GATAD2A: variants seen among roughly 807,000 people sequenced by gnomAD.
GATAD2A encodes GATA zinc finger domain containing 2A, also known as transcriptional repressor p66-alpha.
In GATAD2A, 12 loss-of-function variants were observed where a neutral mutation model predicts 68.5. The ratio of observed to expected loss-of-function variants is 0.18; its 90% confidence interval spans 0.11 to 0.28. The LOEUF (loss-of-function observed/expected upper bound fraction) is 0.28. Among genes scored for constraint, GATAD2A ranks in the 10% least tolerant of loss-of-function variants. GATAD2A has a pLI of 1.00. For synonymous variants in GATAD2A, 410 were observed against 375.3 expected (o/e 1.09, Z -1.07); for missense variants, 755 against 868.5 (o/e 0.87, Z 1.64).
At chr19:19,413,855 G>T (rs1002857738) in intron 1 of GATAD2A, among the ~76,000 whole-genome samples, 1 of 152,132 alleles carries the variant, frequency 6.6e-6, no homozygotes, top group Admixed American at 6.5e-5. Context: ...AAAGTACTGG[G>T]ATTACAGGTG....
At chr19:19,498,317 G>A (rs574098589) in intron 7 of GATAD2A, 126 bp from the exon 8 acceptor site, 1 of 844,438 alleles carries the variant, frequency 1.2e-6, no homozygotes, top group Admixed American at 2.9e-5. Context: ...GTTCACTTTT[G>A]TTAAGGACGC....
intron 2 of GATAD2A, among the ~76,000 whole-genome samples, chr19:19,475,489 C>CT (rs1568319645): frequency 1.8e-4 from 8 of 43,588 alleles, no homozygotes; most frequent in South Asian, 2.0e-3. Context: ...GGAGCCCCCC[C>CT]CCCTCCACTG....
intron 2 of GATAD2A, 144 bp downstream of exon 2, chr19:19,465,758 C>A: frequency 1.0e-6 from 1 of 964,570 alleles, no homozygotes; most frequent in Non-Finnish European, 1.5e-6. Flanking sequence ...GGGCATCACC[C>A]ACCACTGGCA....
chr19:19,442,122 AG>A (rs756597464), intron 1 of GATAD2A, among the ~76,000 whole-genome samples: 296 of 152,150 alleles, frequency 1.9e-3, no homozygotes, highest in Non-Finnish European at 3.3e-3. Context: ...AGCCTCCCAA[AG>A]TGCTGGGATT....
rs149948705 is a variant in GATAD2A, at chr19:19,435,434, G to A, written c.-7+29415G>A. On this transcript the variant is annotated intron_variant, in intron 1 of 11. Transcript: ENST00000683918. ...GAGACAGAGTTTCACCATGTTGCCCGGGCTTGTCTCAAACTGCTAGGCTCA... is the reference window on the plus strand; with the variant it reads ...GAGACAGAGTTTCACCATGTTGCCCAGGCTTGTCTCAAACTGCTAGGCTCA... Among the ~76,000 whole-genome samples the A allele has an allele frequency of 2.2e-4, 34 of 152,190 alleles. No homozygotes were observed. The East Asian group carries it at 3.1e-3, about 14-fold the overall frequency.
chr19:19,489,076 ATC>A (rs1325541697), intron 2 of GATAD2A, among the ~76,000 whole-genome samples: 2 of 152,226 alleles, frequency 1.3e-5, no homozygotes, highest in African/African-American at 4.8e-5. Flanking sequence ...TGAATTAAAG[ATC>A]TCTTTTAGAA....
chr19:19,425,512 T>TA (rs936309455), intron 1 of GATAD2A, among the ~76,000 whole-genome samples: 1 of 152,198 alleles, frequency 6.6e-6, no homozygotes, highest in African/African-American at 2.4e-5. Flanking sequence ...CCTTTCCCCT[T>TA]ACTCTATTCA....
intron 1 of GATAD2A, among the ~76,000 whole-genome samples, chr19:19,431,083 A>T (rs575180441): frequency 6.6e-6 from 1 of 151,260 alleles, no homozygotes; most frequent in Admixed American, 6.6e-5. Context: ...AGAGTCTCTT[A>T]TGAGCTGGTA....
intron 1 of GATAD2A, among the ~76,000 whole-genome samples, chr19:19,399,917 C>T (rs2049581106): frequency 1.3e-5 from 2 of 152,096 alleles, no homozygotes; most frequent in South Asian, 2.1e-4. Flanking sequence ...TTTATTAGAC[C>T]GATCATGTGA....
chr19:19,451,523 C>T (rs10414830), intron 1 of GATAD2A, among the ~76,000 whole-genome samples: 65,738 of 152,040 alleles, frequency 0.43, 15,642 homozygotes, highest in African/African-American at 0.63. Context: ...GTTTTTGGCA[C>T]GAAGTAGAAC....
In GATAD2A at chr19:19,501,087, C is replaced by T. The variant is rs747138895; in HGVS notation, c.1205-31C>T. 5 of 1,589,170 alleles carry T rather than the reference C, an allele frequency of 3.1e-6. No individual in the cohort carries two copies. The South Asian group carries it at 5.6e-5, about 18-fold the overall frequency. On this transcript the variant is annotated intron_variant, in intron 8 of 11. Transcript: ENST00000683918. Reference sequence around the variant, plus strand: ...GGGCCCTGACTGTCGTCCTGGCCCTCTGACGTGAGCCATGTGCTGTCTGCT... The same window carrying T: ...GGGCCCTGACTGTCGTCCTGGCCCTTTGACGTGAGCCATGTGCTGTCTGCT...
chr19:19,449,846 A>T (rs1031299829), intron 1 of GATAD2A, among the ~76,000 whole-genome samples: 3 of 152,252 alleles, frequency 2.0e-5, no homozygotes, highest in Non-Finnish European at 4.4e-5. Flanking sequence ...ATCATTTACA[A>T]GTCCTCTACC....
chr19:19,395,481 A>T (rs1475691819), intron 1 of GATAD2A, among the ~76,000 whole-genome samples: 1 of 152,060 alleles, frequency 6.6e-6, no homozygotes, highest in Non-Finnish European at 1.5e-5. Context: ...AAACATGTTC[A>T]AGTTACCCCT....
chr19:19,403,925 T>C (rs561124464), upstream of GATAD2A, among the ~76,000 whole-genome samples: 47 of 152,296 alleles, frequency 3.1e-4, no homozygotes, highest in African/African-American at 8.2e-4. Flanking sequence ...TAAGACTGTT[T>C]TGTTTGTTTG....
At chr19:19,419,893 T>G (rs955961147) in intron 1 of GATAD2A, among the ~76,000 whole-genome samples, 26 of 152,008 alleles carry the variant, frequency 1.7e-4, no homozygotes, top group Non-Finnish European at 3.1e-4. Context: ...TCAATCAGAT[T>G]GTTCTCAATG....
intron 1 of GATAD2A, among the ~76,000 whole-genome samples, chr19:19,390,210 AT>A (rs2048745063): frequency 6.6e-6 from 1 of 152,172 alleles, no homozygotes; most frequent in Non-Finnish European, 1.5e-5. Flanking sequence ...CAAAATTGGC[AT>A]GTTATTAAAT....
chr19:19,460,878 G>A (rs1351153177), intron 1 of GATAD2A, among the ~76,000 whole-genome samples: 2 of 152,168 alleles, frequency 1.3e-5, no homozygotes, highest in Non-Finnish European at 2.9e-5. Context: ...CCCAGCACAT[G>A]TCTCCGCTCA....
chr19:19,452,165 G>C (rs2056458043), intron 1 of GATAD2A, among the ~76,000 whole-genome samples: 1 of 152,228 alleles, frequency 6.6e-6, no homozygotes, highest in South Asian at 2.1e-4. Context: ...TCTGTCTGCT[G>C]TCCCACTGTT....
chr19:19,480,569 C>T (rs1390822467), intron 2 of GATAD2A, among the ~76,000 whole-genome samples: 1 of 152,328 alleles, frequency 6.6e-6, no homozygotes, highest in Non-Finnish European at 1.5e-5. Context: ...TTCTTCCTGT[C>T]GTACTTTGTC....
Sources: gnomAD v4.1 joint callset for allele counts (sites outside exome capture counted in the v4.1 genomes callset) on GRCh38, gnomAD v4.1.1 for gene constraint, MANE v1.5 for transcripts, NCBI Gene and HGNC (gene_info 2026-07-23, HGNC 2026-07-21) for gene names.